SPATA13: variants seen among roughly 807,000 people sequenced by gnomAD.
SPATA13 encodes the protein spermatogenesis-associated protein 13.
A neutral mutation model predicts 104.0 loss-of-function variants in SPATA13; 50 were observed. The observed-to-expected ratio is 0.48, with a 90% confidence interval of 0.38 to 0.61. The LOEUF is 0.61. SPATA13 is among the 20% of genes least tolerant of loss of function. SPATA13 has a pLI of 0.00. For synonymous variants in SPATA13, 606 were observed against 667.5 expected, an observed-to-expected ratio of 0.91 and a Z score of 1.42; for missense variants, 1,524 against 1,690.6, an observed-to-expected ratio of 0.90 and a Z score of 1.73.
intron 3 of SPATA13, among the ~76,000 whole-genome samples, chr13:24,042,179 G>A (rs1201484899): frequency 2.6e-5 from 4 of 152,170 alleles, no homozygotes; most frequent in Non-Finnish European, 5.9e-5. Context: ...TGGGTTGTGA[G>A]AGAGAAAGCA....
intron 3 of SPATA13, among the ~76,000 whole-genome samples, chr13:24,063,000 AG>A (rs1878828540): frequency 6.6e-6 from 1 of 152,106 alleles, no homozygotes; most frequent in African/African-American, 2.4e-5. Context: ...ACTCAGGACA[AG>A]GGACACACTT....
intron 3 of SPATA13, among the ~76,000 whole-genome samples, chr13:24,096,254 A>G (rs1880079723): frequency 6.6e-6 from 1 of 152,186 alleles, no homozygotes; most frequent in African/African-American, 2.4e-5. Context: ...AAATAAATAT[A>G]TAAAGTTATG....
chr13:24,169,902 C>T (rs1363787514), intron 1 of SPATA13, among the ~76,000 whole-genome samples: 3 of 152,192 alleles, frequency 2.0e-5, no homozygotes, highest in Non-Finnish European at 4.4e-5. Context: ...ACTTCTGTGC[C>T]ATGAACACCT....
intron 3 of SPATA13, among the ~76,000 whole-genome samples, chr13:24,113,666 T>A (rs528356259): frequency 6.6e-6 from 1 of 151,498 alleles, no homozygotes; most frequent in Non-Finnish European, 1.5e-5. Flanking sequence ...GGTCAGGAGA[T>A]CCAGACCATC....
chr13:24,274,722 AG>A (rs1264141774), intron 4 of SPATA13, among the ~76,000 whole-genome samples: 1 of 152,248 alleles, frequency 6.6e-6, no homozygotes. Flanking sequence ...CTGAGCCATC[AG>A]CAAGAGGTTT....
intron 3 of SPATA13, among the ~76,000 whole-genome samples, chr13:24,084,026 A>G (rs1879633976): frequency 6.6e-6 from 1 of 152,210 alleles, no homozygotes; most frequent in South Asian, 2.1e-4. Context: ...CCTATTCTGA[A>G]AGTGGAAGGT....
intron 1 of SPATA13, among the ~76,000 whole-genome samples, chr13:24,219,454 T>G (rs972075844): frequency 1.3e-5 from 2 of 152,224 alleles, no homozygotes; most frequent in Non-Finnish European, 2.9e-5. Flanking sequence ...AAATTTCAAC[T>G]TCTTCACTCT....
chr13:24,288,945 T>TCAAATAATTTATTTGGATTTC (rs1876144031), intron 7 of SPATA13, 54 bp from the exon 8 acceptor site: 1 of 1,497,732 alleles, frequency 6.7e-7, no homozygotes, highest in East Asian at 2.3e-5. Flanking sequence ...GCTGTACTAT[T>TCAAATAATTTATTTGGATTTC]CAAATAATTT....
rs1011029793 is a variant in SPATA13 at position 24,306,845 on chromosome 13, A to T, written c.*4072A>T. 6.6e-6 allele frequency: 1 copy of T among 152,188 alleles called. No individual in the cohort carries two copies. Among genetic ancestry groups the T allele is most frequent in the Admixed American group, 6.5e-5 (1 of 15,282 alleles). 9.4% of individuals were successfully genotyped at this position (152,188 alleles called of 1,614,324 possible). On this transcript the variant is annotated 3_prime_UTR_variant, in exon 13 of 13. Transcript: ENST00000382108. ...CTTTGGGCAACATTTTAGCTCATTA[A>T]CTTCAAGATGATGTGTCATCTGTAT... is the stretch of plus-strand genomic sequence containing the variant.
At chr13:24,196,935 G>A (rs182298331) in intron 1 of SPATA13, among the ~76,000 whole-genome samples, 63 of 152,210 alleles carry the variant, frequency 4.1e-4, no homozygotes, top group African/African-American at 1.4e-3. Context: ...AGAAAGAGAT[G>A]AATGTGAAAT....
At chr13:24,039,245 C>T (rs1877826397) in intron 3 of SPATA13, among the ~76,000 whole-genome samples, 1 of 152,202 alleles carries the variant, frequency 6.6e-6, no homozygotes, top group South Asian at 2.1e-4. Context: ...GCCTTTGCGC[C>T]TGGCTGTGGC....
chr13:24,035,897 C>T (rs1877661752), intron 3 of SPATA13, among the ~76,000 whole-genome samples: 1 of 151,922 alleles, frequency 6.6e-6, no homozygotes, highest in Non-Finnish European at 1.5e-5. Flanking sequence ...CGCCTGTAGT[C>T]CCAGCTACTC....
rs751634344 is a variant in SPATA13, at chr13:24,223,769, C to A, written c.840C>A (p.Ala280=). 6 of 1,551,868 alleles carry A rather than the reference C, an allele frequency of 3.9e-6. No homozygotes were observed. The highest frequency in any genetic ancestry group is 4.4e-6 in the Non-Finnish European group (5 of 1,147,022). ...STSNLADLRT[A]HDARVPQRTL... is the part of the protein sequence containing the mutation. ...CCAATCTTGCAGACCTCAGGACGGC[C>A]CATGACGCACGGGTACCACAGAGGA... is the stretch of plus-strand genomic sequence containing the variant. Residue 280 remains alanine (A), a synonymous_variant, in exon 2 of 13, where the codon GCC becomes GCA. Transcript: ENST00000382108.
intron 2 of SPATA13, among the ~76,000 whole-genome samples, chr13:24,225,866 G>C (rs1871904302): frequency 6.6e-6 from 1 of 152,184 alleles, no homozygotes; most frequent in South Asian, 2.1e-4. Context: ...CGAGCCATCC[G>C]GGAAAGTGTT....
At chr13:24,110,663 A>G (rs1186391062) in intron 3 of SPATA13, among the ~76,000 whole-genome samples, 1 of 152,228 alleles carries the variant, frequency 6.6e-6, no homozygotes, top group East Asian at 1.9e-4. Context: ...TCCTGCGGAC[A>G]CAGAAAGGAA....
chr13:24,208,192 C>G (rs1870817256), intron 1 of SPATA13, among the ~76,000 whole-genome samples: 1 of 152,154 alleles, frequency 6.6e-6, no homozygotes, highest in South Asian at 2.1e-4. Context: ...TGAATGTGTT[C>G]AGAATCAAGG....
chr13:24,243,664 T>A lies in SPATA13; in HGVS notation c.1654-5813T>A, dbSNP rs567302619. 2.6e-5 allele frequency among the ~76,000 whole-genome samples: 4 copies of A among 152,268 alleles called. No homozygotes were observed. The East Asian group carries it at 7.7e-4, about 29-fold the overall frequency. ...GCTGTGAAGATTAAGCAAGGTAAAATGTGCCTGGCATAGGTCTGGCACCTC... is the reference window on the plus strand; with the variant it reads ...GCTGTGAAGATTAAGCAAGGTAAAAAGTGCCTGGCATAGGTCTGGCACCTC... On this transcript the variant is annotated intron_variant, in intron 2 of 12. Coordinates refer to ENST00000382108, the MANE Select transcript of SPATA13 (RefSeq NM_001166271.3).
chr13:24,055,682 G>T (rs1878516699), intron 3 of SPATA13, among the ~76,000 whole-genome samples: 1 of 152,302 alleles, frequency 6.6e-6, no homozygotes, highest in African/African-American at 2.4e-5. Context: ...TACTCGCCAG[G>T]TGCCTTTGGC....
At position 24,223,318 on chromosome 13, in the gene SPATA13, G is replaced by A. The variant is rs982820435; in HGVS notation, c.389G>A (p.Gly130Glu). The A allele has an allele frequency of 1.3e-5, 20 of 1,551,288 alleles. No homozygotes were observed. Among genetic ancestry groups the A allele is most frequent in the East Asian group, 2.4e-5 (1 of 40,886 alleles). Residue 130 changes from glycine (G) to glutamate (E), a missense_variant, in exon 2 of 13, where the codon GGG becomes GAG. Physicochemically the swap from Gly to Glu is moderately conservative, Grantham distance 98. Around this residue, in one of 2 missense-constraint regions of SPATA13, gnomAD observed 1,089 missense variants for 1,135.9 expected, o/e 0.96. Coordinates refer to ENST00000382108, the MANE Select transcript of SPATA13 (RefSeq NM_001166271.3). Reference sequence around the variant, plus strand: ...CTGAAAGGAATTCAGAGCCGAGAGGGGTCAAATGCCTGTTCAAAGGGAGAG... The same window carrying A: ...CTGAAAGGAATTCAGAGCCGAGAGGAGTCAAATGCCTGTTCAAAGGGAGAG... Reference protein sequence around the residue: ...SVLKGIQSREGSNACSKGEAS... With the variant: ...SVLKGIQSREESNACSKGEAS...
Sources: allele counts gnomAD v4.1 joint callset (sites outside exome capture counted in the v4.1 genomes callset), GRCh38; gene constraint gnomAD v4.1.1; regional missense constraint gnomAD v4.1.1; transcripts MANE v1.5; gene names NCBI Gene and HGNC (gene_info 2026-07-23, HGNC 2026-07-21).